Variants in TENM4 observed in about 807,000 individuals in gnomAD.
TENM4 encodes the protein teneurin-4.
Under a neutral mutation model 243.3 loss-of-function variants are expected in TENM4, and 82 were observed. The observed-to-expected ratio is 0.34, with a 90% CI of 0.28 to 0.40. The LOEUF is 0.40. Ranked by LOEUF, TENM4 falls within the 10% of genes least tolerant of loss-of-function variation. TENM4 has a pLI of 1.00. For synonymous variants in TENM4, 1,412 were observed against 1,456.3 expected (o/e 0.97, Z 0.69); for missense variants, 3,138 against 3,673.3 (o/e 0.85, Z 3.77).
chr11:78,923,328 T>A (rs1856486266), intron 6 of TENM4, among the ~76,000 whole-genome samples: 1 of 152,082 alleles, frequency 6.6e-6, no homozygotes, highest in Non-Finnish European at 1.5e-5. Context: ...AGACTTTTGC[T>A]CTCCAGCTTC....
At chr11:78,737,869 A>C (rs1472195985) in intron 20 of TENM4, among the ~76,000 whole-genome samples, 2 of 152,222 alleles carry the variant, frequency 1.3e-5, no homozygotes, top group African/African-American at 4.8e-5. Flanking sequence ...CATTCACCAT[A>C]TCTTCTAACC....
chr11:78,900,614 A>T (rs1266834525), intron 7 of TENM4, among the ~76,000 whole-genome samples: 1 of 152,200 alleles, frequency 6.6e-6, no homozygotes, highest in Admixed American at 6.5e-5. Context: ...TGTGCTTCTT[A>T]TATATCACAT....
At chr11:79,414,542 C>G (rs907304224) in intron 1 of TENM4, among the ~76,000 whole-genome samples, 1 of 152,214 alleles carries the variant, frequency 6.6e-6, no homozygotes, top group African/African-American at 2.4e-5. Flanking sequence ...GGGTATCAAC[C>G]TGCTGCCGAA....
intron 6 of TENM4, among the ~76,000 whole-genome samples, chr11:78,964,544 A>G (rs1169134771): frequency 2.0e-5 from 3 of 152,166 alleles, no homozygotes; most frequent in Non-Finnish European, 4.4e-5. Context: ...AATTCAGGCT[A>G]TGATTCACCG....
intron 1 of TENM4, among the ~76,000 whole-genome samples, chr11:79,310,335 T>C (rs1352010173): frequency 2.6e-5 from 4 of 152,130 alleles, no homozygotes; most frequent in Non-Finnish European, 5.9e-5. Flanking sequence ...TCTAAGATAA[T>C]AAGACTTTGG....
At chr11:79,413,969 T>C (rs1419740366) in intron 1 of TENM4, among the ~76,000 whole-genome samples, 2 of 152,158 alleles carry the variant, frequency 1.3e-5, no homozygotes, top group African/African-American at 2.4e-5. Context: ...CTTGTGGCTC[T>C]GCATGGAGCT....
chr11:79,354,721 A>T lies in TENM4; in HGVS notation c.-320-57178T>A, dbSNP rs1360379178. Among the ~76,000 whole-genome samples the T allele has an allele frequency of 5.3e-5, 8 of 152,310 alleles. No homozygotes were observed. The East Asian group carries it at 1.5e-3, about 29-fold the overall frequency. On this transcript the variant is annotated intron_variant, in intron 1 of 33. Coordinates refer to ENST00000278550, the MANE Select transcript of TENM4 (RefSeq NM_001098816.3). The stretch of plus-strand genomic sequence containing the variant: ...CCCTCAATCCATCCCTTTTCTGATT[A>T]TGTGTTGCTGAAAAATTAAAGTTGC...
In TENM4 at chr11:79,008,353, G is replaced by T. The variant is rs74949791; in HGVS notation, c.493+56385C>A. On this transcript the variant is annotated intron_variant, in intron 6 of 33. Transcript: ENST00000278550. ...TGGGTCCTACTCGTTCTGGCTGCCA[G>T]CAAACTTTTACTTCCCTTCTTTAGA... Among the ~76,000 whole-genome samples, 94 of 152,254 alleles carry T rather than the reference G, an allele frequency of 6.2e-4. 1 individual carries two copies. In the East Asian group the frequency reaches 8.3e-3, roughly 13 times the overall value.
At chr11:78,686,960 T>C (rs1207562149) in intron 29 of TENM4, among the ~76,000 whole-genome samples, 1 of 152,230 alleles carries the variant, frequency 6.6e-6, no homozygotes, top group Non-Finnish European at 1.5e-5. Flanking sequence ...TGCTAATTAA[T>C]TAATTACTTA....
intron 3 of TENM4, among the ~76,000 whole-genome samples, chr11:79,166,613 T>C (rs1862921380): frequency 6.6e-6 from 1 of 152,230 alleles, no homozygotes; most frequent in Non-Finnish European, 1.5e-5. Flanking sequence ...ATTTGCTTCA[T>C]TTAATTCAGG....
At chr11:79,360,682 C>T (rs1238314607) in intron 1 of TENM4, among the ~76,000 whole-genome samples, 2 of 152,100 alleles carry the variant, frequency 1.3e-5, no homozygotes, top group Non-Finnish European at 1.5e-5. Flanking sequence ...GATTTTTAGC[C>T]GTGTGAATTA....
intron 2 of TENM4, among the ~76,000 whole-genome samples, chr11:79,271,050 T>TTGATGACTTCTGAAGTCATTTTTCA (rs1338681743): frequency 2.9e-4 from 44 of 152,250 alleles, no homozygotes; most frequent in Non-Finnish European, 4.9e-4. Context: ...GCTGGGGAAA[T>TTGATGACTTCTGAAGTCATTTTTCA]TGATGACTTC....
At chr11:79,062,838 A>C (rs748826012) in intron 6 of TENM4, among the ~76,000 whole-genome samples, 1 of 152,174 alleles carries the variant, frequency 6.6e-6, no homozygotes, top group Non-Finnish European at 1.5e-5. Flanking sequence ...CCTTCAATTT[A>C]ATGCTCAAGT....
At chr11:79,085,490 C>T (rs1288249563) in intron 4 of TENM4, among the ~76,000 whole-genome samples, 1 of 151,744 alleles carries the variant, frequency 6.6e-6, no homozygotes, top group African/African-American at 2.4e-5. Context: ...ATGATAAACT[C>T]TCTAAGCCTC....
chr11:79,270,857 A>G (rs1259747819), intron 2 of TENM4, among the ~76,000 whole-genome samples: 2 of 152,200 alleles, frequency 1.3e-5, no homozygotes, highest in Non-Finnish European at 2.9e-5. Context: ...GGCTGAATTC[A>G]GTCCTTAGCA....
intron 4 of TENM4, among the ~76,000 whole-genome samples, chr11:79,107,033 TTCA>T (rs909842571): frequency 6.6e-6 from 1 of 152,188 alleles, no homozygotes; most frequent in Non-Finnish European, 1.5e-5. Context: ...ATGAGCTTGC[TTCA>T]TCATCAGTAC....
At position 79,112,403 on chromosome 11, in the gene TENM4, A is replaced by G. The variant is rs534879213; in HGVS notation, c.-66+36307T>C. On this transcript the variant is annotated intron_variant, in intron 4 of 33. Coordinates refer to ENST00000278550, the MANE Select transcript of TENM4 (RefSeq NM_001098816.3). ...TGTAAGCCCTGCTCAGGGCTGCTGC[A>G]TATGGTTGGGCAGGTTGTTCACTGC... Among the ~76,000 whole-genome samples, 130 of 152,238 alleles carry G rather than the reference A, an allele frequency of 8.5e-4. 2 individuals carry two copies. Among genetic ancestry groups the G allele is most frequent in the Admixed American group, 8.0e-3 (122 of 15,296 alleles).
chr11:78,749,974 G>A (rs191427449), intron 19 of TENM4, among the ~76,000 whole-genome samples: 33 of 152,198 alleles, frequency 2.2e-4, no homozygotes, highest in Non-Finnish European at 3.5e-4. Context: ...GATTTCCTAA[G>A]CCCATCTTGA....
intron 4 of TENM4, among the ~76,000 whole-genome samples, chr11:79,071,468 G>A (rs1860413575): frequency 1.3e-5 from 1 of 79,504 alleles, no homozygotes; most frequent in Admixed American, 1.1e-4. Flanking sequence ...GGGAGTGTGG[G>A]TGGGAGTGTC....
Sources: allele counts gnomAD v4.1 joint callset (sites outside exome capture counted in the v4.1 genomes callset), GRCh38; gene constraint gnomAD v4.1.1; transcripts MANE v1.5; gene names NCBI Gene and HGNC (gene_info 2026-07-23, HGNC 2026-07-21).